SMYD3: variants seen among roughly 807,000 people sequenced by gnomAD.
The protein encoded by SMYD3 is histone-lysine N-methyltransferase SMYD3.
Under a neutral mutation model 57.7 loss-of-function variants are expected in SMYD3, and 36 were observed. The ratio of observed to expected loss-of-function variants is 0.62; its 90% CI spans 0.48 to 0.82. The LOEUF (loss-of-function observed/expected upper bound fraction) is 0.82. SMYD3 is among the 40% of genes least tolerant of loss of function. The pLI is 0.00. For missense variants in SMYD3, 515 were observed against 538.8 expected (o/e 0.96, Z 0.44); for synonymous variants, 211 against 195.0 (o/e 1.08, Z -0.68).
chr1:245,975,680 C>T (rs569269405), intron 5 of SMYD3, among the ~76,000 whole-genome samples: 2 of 2,618 alleles, frequency 7.6e-4, no homozygotes, highest in African/African-American at 2.0e-3. Flanking sequence ...CCATCGTCTC[C>T]GGCCCAGGGA....
chr1:246,395,100 G>T (rs1047481339), intron 1 of SMYD3, among the ~76,000 whole-genome samples: 4 of 152,194 alleles, frequency 2.6e-5, no homozygotes, highest in Non-Finnish European at 5.9e-5. Flanking sequence ...TGATATAAGA[G>T]AGGCAATTCG....
intron 10 of SMYD3, among the ~76,000 whole-genome samples, chr1:245,782,059 C>T (rs1441745022): frequency 1.3e-5 from 2 of 152,164 alleles, no homozygotes; most frequent in East Asian, 3.8e-4. Flanking sequence ...CTCAGGCACC[C>T]TCTCCTCTCA....
intron 11 of SMYD3, among the ~76,000 whole-genome samples, chr1:245,753,446 C>T (rs980645573): frequency 5.3e-5 from 8 of 152,296 alleles, no homozygotes; most frequent in Middle Eastern, 3.4e-3. Flanking sequence ...CGGATGTGTG[C>T]GTGGATGAAT....
chr1:246,261,918 T>C (rs1386990736), intron 5 of SMYD3, among the ~76,000 whole-genome samples: 2 of 152,202 alleles, frequency 1.3e-5, no homozygotes, highest in African/African-American at 4.8e-5. Flanking sequence ...TTACAATAAA[T>C]CTGTAAGATC....
intron 1 of SMYD3, among the ~76,000 whole-genome samples, chr1:246,475,329 GAAAAAAA>G (rs573868002): frequency 2.9e-5 from 3 of 103,010 alleles, no homozygotes; most frequent in African/African-American, 6.2e-5. Flanking sequence ...GACTGTCTCA[GAAAAAAA>G]AAAAAAAAAA....
intron 5 of SMYD3, among the ~76,000 whole-genome samples, chr1:246,198,068 A>G (rs1278321016): frequency 1.3e-5 from 2 of 152,196 alleles, no homozygotes; most frequent in African/African-American, 2.4e-5. Flanking sequence ...TACACAGTAT[A>G]TAGCTAACAC....
At chr1:246,360,133 T>G (rs537173531) in intron 1 of SMYD3, among the ~76,000 whole-genome samples, 18 of 152,266 alleles carry the variant, frequency 1.2e-4, no homozygotes, top group Admixed American at 2.6e-4. Context: ...ACAAAATTGA[T>G]GTACACAAAT....
chr1:246,045,334 T>C (rs1465633298), intron 5 of SMYD3, among the ~76,000 whole-genome samples: 1 of 152,092 alleles, frequency 6.6e-6, no homozygotes, highest in Non-Finnish European at 1.5e-5. Context: ...GCTGCATATC[T>C]ACAACTATCT....
Position 246,344,412 on chromosome 1 carries a change from C to T in SMYD3, c.229-8938G>A, listed in dbSNP as rs369849469. On this transcript the variant is annotated intron_variant, in intron 2 of 11. Coordinates refer to ENST00000490107, the MANE Select transcript of SMYD3 (RefSeq NM_001167740.2). Reference sequence around the variant, plus strand: ...AGTACAGTGTTTTGAGATTCACTAACGTTGCGGCATGCATCAGTAGTTTGT... The same window carrying T: ...AGTACAGTGTTTTGAGATTCACTAATGTTGCGGCATGCATCAGTAGTTTGT... 7.2e-5 allele frequency among the ~76,000 whole-genome samples: 11 copies of T among 152,190 alleles called. 1 individual carries two copies. In the South Asian group the frequency reaches 8.3e-4, roughly 11 times the overall value.
At chr1:245,886,876 C>A (rs1349710689) in intron 8 of SMYD3, among the ~76,000 whole-genome samples, 2 of 152,134 alleles carry the variant, frequency 1.3e-5, no homozygotes, top group Non-Finnish European at 2.9e-5. Context: ...AACCCTCTGC[C>A]CAGCATAGGC....
chr1:245,795,167 C>A (rs1381288097), intron 10 of SMYD3, among the ~76,000 whole-genome samples: 2 of 152,170 alleles, frequency 1.3e-5, no homozygotes, highest in African/African-American at 2.4e-5. Flanking sequence ...GGATCCTATC[C>A]CCAGTGATAG....
chr1:246,284,791 T>A (rs1353540384), intron 5 of SMYD3, among the ~76,000 whole-genome samples: 2 of 152,194 alleles, frequency 1.3e-5, no homozygotes, highest in Admixed American at 6.5e-5. Flanking sequence ...TAAGGGAGTA[T>A]GGTAAATTGT....
chr1:246,158,765 A>T (rs183061029), intron 5 of SMYD3, among the ~76,000 whole-genome samples: 31 of 152,268 alleles, frequency 2.0e-4, no homozygotes, highest in Admixed American at 2.0e-3. Context: ...TCCTTGACAA[A>T]CTACTGATTA....
chr1:246,080,393 T>C (rs1415835552), intron 5 of SMYD3, among the ~76,000 whole-genome samples: 4 of 142,412 alleles, frequency 2.8e-5, no homozygotes, highest in Non-Finnish European at 6.2e-5. Context: ...GGGATCTAGG[T>C]TGTGTGCTCC....
chr1:246,016,754 G>A (rs985460303), intron 5 of SMYD3, among the ~76,000 whole-genome samples: 1 of 151,984 alleles, frequency 6.6e-6, no homozygotes, highest in African/African-American at 2.4e-5. Flanking sequence ...AGGGAGCACA[G>A]CGAGCTAACT....
In SMYD3 at chr1:246,355,432, C is replaced by T. The variant is rs528506614; in HGVS notation, c.165-338G>A. On this transcript the variant is annotated intron_variant, in intron 1 of 11. Transcript: ENST00000490107. The surrounding 1 kb of genome is among the most constrained non-coding windows in gnomAD (Gnocchi z 5.0). ...CTGCCACAGCAACATACCAGGTAAA[C>T]TAAGAGAATCCACAGACCCTCTGAA... 1.2e-4 allele frequency: 28 copies of T among 236,808 alleles called. No individual in the cohort carries two copies. The highest frequency in any genetic ancestry group is 1.4e-4 in the Non-Finnish European group (17 of 120,652). 14.7% of individuals were successfully genotyped at this position (236,808 alleles called of 1,614,324 possible). A position where few individuals can be genotyped will look rare whatever the true frequency, so the allele number is the denominator to read the frequency against.
At chr1:246,186,787 C>T in intron 5 of SMYD3, 1 of 985,398 alleles carries the variant, frequency 1.0e-6, no homozygotes, top group East Asian at 1.1e-4. Context: ...AGTTCCTCAG[C>T]CAAGTCGTGG....
intron 5 of SMYD3, among the ~76,000 whole-genome samples, chr1:246,001,330 G>A (rs910076571): frequency 5.9e-5 from 9 of 152,114 alleles, no homozygotes; most frequent in East Asian, 1.9e-4. Context: ...GTCCAAACAC[G>A]TCTGCCTACC....
At position 246,370,739 on chromosome 1, in the gene SMYD3, C is replaced by T. The variant is rs372460531; in HGVS notation, c.165-15645G>A. ...ATATCACTTCCATGGTTACTAAAAA[C>T]GGAAAAAAGCTACATCTACGTGTGT... On this transcript the variant is annotated intron_variant, in intron 1 of 11. Transcript: ENST00000490107. Among the ~76,000 whole-genome samples the T allele has an allele frequency of 1.2e-4, 19 of 152,306 alleles. 1 individual carries two copies. The highest frequency in any genetic ancestry group is 2.9e-4 in the African/African-American group (12 of 41,564).
Sources: gnomAD v4.1 joint callset for allele counts (sites outside exome capture counted in the v4.1 genomes callset) on GRCh38, gnomAD v4.1.1 for gene constraint, Gnocchi (gnomAD v3.1) non-coding constraint, MANE v1.5 for transcripts, NCBI Gene and HGNC (gene_info 2026-07-23, HGNC 2026-07-21) for gene names.